LITAF: variants seen among roughly 807,000 people sequenced by gnomAD.
LITAF encodes lipopolysaccharide-induced tumor necrosis factor-alpha factor.
In LITAF, 9 loss-of-function variants were observed where a neutral mutation model predicts 14.5. The ratio of observed to expected loss-of-function variants is 0.62; its 90% CI spans 0.37 to 1.08. LITAF has a LOEUF of 1.08. LITAF is among the 50% of genes least tolerant of loss of function. LITAF has a pLI of 0.01. For synonymous variants in LITAF, 98 were observed against 88.2 expected (o/e 1.11, Z -0.62); for missense variants, 206 against 213.4 (o/e 0.97, Z 0.22).
At chr16:11,621,817 T>C (rs999439665) in intron 3 of LITAF, among the ~76,000 whole-genome samples, 1 of 152,022 alleles carries the variant, frequency 6.6e-6, no homozygotes, top group Non-Finnish European at 1.5e-5. Flanking sequence ...AGTAAACCAC[T>C]GGCACCCAGA....
At chr16:11,623,285 G>A (rs2065062574) in intron 3 of LITAF, among the ~76,000 whole-genome samples, 1 of 151,934 alleles carries the variant, frequency 6.6e-6, no homozygotes, top group Non-Finnish European at 1.5e-5. Context: ...GATAGCAAAG[G>A]GAATTTATTT....
Position 11,548,756 on chromosome 16 carries a change from G to A in LITAF, c.*881C>T, listed in dbSNP as rs549484851. ...TTCGGGAGGCCAAGGCAGAAGGATC[G>A]CTTGAGCCCAGGAGTTCGACACCAG... On this transcript the variant is annotated 3_prime_UTR_variant, in exon 4 of 4. Transcript: ENST00000622633. 105 of 453,338 alleles carry A rather than the reference G, an allele frequency of 2.3e-4. No homozygotes were observed. Among genetic ancestry groups the A allele is most frequent in the Admixed American group, 2.2e-3 (92 of 42,462 alleles). The allele number at this position is 453,338 out of a possible 1,614,324, so 28.1% of individuals were successfully genotyped here.
At chr16:11,593,213 G>A (rs34407065) in intron 1 of LITAF, among the ~76,000 whole-genome samples, 22,189 of 151,508 alleles carry the variant, frequency 0.15, 1,973 homozygotes, top group Non-Finnish European at 0.18. Flanking sequence ...AAAATTAGCC[G>A]GGCATGGTGG....
intron 1 of LITAF, among the ~76,000 whole-genome samples, chr16:11,597,267 T>G (rs2064895582): frequency 6.6e-6 from 1 of 152,146 alleles, no homozygotes; most frequent in South Asian, 2.1e-4. Flanking sequence ...TTCTCTTCCT[T>G]GTAGCCTCCA....
At chr16:11,596,192 G>A (rs1330241933) in intron 1 of LITAF, among the ~76,000 whole-genome samples, 2 of 152,048 alleles carry the variant, frequency 1.3e-5, no homozygotes, top group African/African-American at 4.8e-5. Context: ...CTTCACCACG[G>A]CCAGGAGAAG....
At position 11,547,980 on chromosome 16, in the gene LITAF, A is replaced by C. The variant is rs1416667229; in HGVS notation, c.*1657T>G. ...CAACATGAGCCCTTTCTTCACACCAAAAGAACTCATAAATAGTTCACCGGG... is the reference window on the plus strand; with the variant it reads ...CAACATGAGCCCTTTCTTCACACCACAAGAACTCATAAATAGTTCACCGGG... On this transcript the variant is annotated 3_prime_UTR_variant, in exon 4 of 4. Transcript: ENST00000622633. 2.2e-6 allele frequency: 1 copy of C among 454,150 alleles called. No individual in the cohort carries two copies. Among genetic ancestry groups the C allele is most frequent in the Non-Finnish European group, 4.4e-6 (1 of 226,800 alleles). The allele number at this position is 454,150 out of a possible 1,614,324, so 28.1% of individuals were successfully genotyped here. A position where few individuals can be genotyped will look rare whatever the true frequency, so the allele number is the denominator to read the frequency against.
intron 1 of LITAF, among the ~76,000 whole-genome samples, chr16:11,557,282 G>A (rs1195541073): frequency 6.6e-6 from 1 of 151,812 alleles, no homozygotes; most frequent in Non-Finnish European, 1.5e-5. Flanking sequence ...GGTTACTCTT[G>A]GAAGAGGAAG....
intron 3 of LITAF, among the ~76,000 whole-genome samples, chr16:11,623,358 T>G (rs1597374863): frequency 6.6e-6 from 1 of 151,952 alleles, no homozygotes. Flanking sequence ...GGAGCACAAA[T>G]GCCATCATCA....
At chr16:11,626,166 T>TA (rs2065082599) in intron 3 of LITAF, among the ~76,000 whole-genome samples, 1 of 151,618 alleles carries the variant, frequency 6.6e-6, no homozygotes. Flanking sequence ...TACTTTACTT[T>TA]AAAAAAACAA....
At chr16:11,637,255 C>A (rs73513537), upstream of LITAF, among the ~76,000 whole-genome samples, 1 of 152,122 alleles carries the variant, frequency 6.6e-6, no homozygotes, top group Non-Finnish European at 1.5e-5. Flanking sequence ...GAAGGGGCCT[C>A]ACAGTAGGTG....
At chr16:11,567,012 C>T (rs1324200476) in intron 1 of LITAF, among the ~76,000 whole-genome samples, 2 of 152,168 alleles carry the variant, frequency 1.3e-5, no homozygotes, top group African/African-American at 4.8e-5. Flanking sequence ...AACTGGAATC[C>T]GTGAATTGAG....
rs1353216833 is a variant in LITAF at position 11,605,690 on chromosome 16, C to T, written c.85+27843G>A. 2.0e-5 allele frequency among the ~76,000 whole-genome samples: 3 copies of T among 152,170 alleles called. No homozygotes were observed. The highest frequency in any genetic ancestry group is 4.8e-5 in the African/African-American group (2 of 41,426). On this transcript the variant is annotated intron_variant, in intron 3 of 3. Transcript: ENST00000574848. The surrounding 1 kb of genome is among the most constrained non-coding windows in gnomAD (Gnocchi z 4.7). ...CCAAGGCAGGAGGATCGCTGGAGGC[C>T]AGGAGTTCGAAGCTGCAGTGAGCTA... is the stretch of plus-strand genomic sequence containing the variant.
intron 3 of LITAF, among the ~76,000 whole-genome samples, chr16:11,623,525 T>TGGC (rs1409236075): frequency 6.6e-6 from 1 of 150,704 alleles, no homozygotes; most frequent in East Asian, 2.0e-4. Context: ...CCAGGCAAGG[T>TGGC]GGCGCATGAC....
chr16:11,596,451 T>C (rs1352409776), intron 1 of LITAF, among the ~76,000 whole-genome samples: 1 of 65,626 alleles, frequency 1.5e-5, no homozygotes, highest in Non-Finnish European at 2.4e-5. Context: ...GAAATCCCAA[T>C]AGAGGAGGAG....
intron 1 of LITAF, among the ~76,000 whole-genome samples, chr16:11,575,913 C>G (rs2141813642): frequency 6.6e-6 from 1 of 152,288 alleles, no homozygotes; most frequent in Non-Finnish European, 1.5e-5. Context: ...CGGGGTCTCG[C>G]TGTGTTGCCA....
chr16:11,609,113 G>A (rs1006411003), intron 3 of LITAF, among the ~76,000 whole-genome samples: 3 of 152,150 alleles, frequency 2.0e-5, no homozygotes, highest in African/African-American at 7.2e-5. Context: ...TGGCTAAAGG[G>A]GATGAGGTTT....
intron 3 of LITAF, among the ~76,000 whole-genome samples, chr16:11,627,628 G>T (rs1186165932): frequency 6.6e-6 from 1 of 152,226 alleles, no homozygotes; most frequent in African/African-American, 2.4e-5. Context: ...CAGATCACCT[G>T]AGGTCAGCAG....
At chr16:11,589,308 A>G (rs947760801), upstream of LITAF, among the ~76,000 whole-genome samples, 3 of 152,268 alleles carry the variant, frequency 2.0e-5, no homozygotes, top group East Asian at 1.9e-4. Flanking sequence ...TAGGGCTTCT[A>G]TGAAAATCCC....
At chr16:11,575,128 A>G (rs1423209953) in intron 1 of LITAF, among the ~76,000 whole-genome samples, 8 of 151,900 alleles carry the variant, frequency 5.3e-5, no homozygotes, top group Admixed American at 3.3e-4. Context: ...TTCATGTTGC[A>G]CTATGATCCA....
Sources: gnomAD v4.1 joint callset for allele counts (sites outside exome capture counted in the v4.1 genomes callset) on GRCh38, gnomAD v4.1.1 for gene constraint, Gnocchi (gnomAD v3.1) non-coding constraint, MANE v1.5 for transcripts, NCBI Gene and HGNC (gene_info 2026-07-23, HGNC 2026-07-21) for gene names.